The following XRN1 variants were observed in gnomAD, a reference collection of about 807,000 sequenced individuals.
The protein encoded by XRN1 is 5'-3' exoribonuclease 1, also known as strand-exchange protein 1 homolog.
XRN1 carries 67 observed loss-of-function variants against 222.3 expected under a neutral mutation model. That is an observed-to-expected ratio of 0.30 (90% confidence interval 0.25 to 0.37). The LOEUF is 0.37. Among genes scored for constraint, XRN1 ranks in the 10% least tolerant of loss-of-function variants. The pLI is 1.00. For missense variants in XRN1, 1,707 were observed against 2,000.2 expected, an observed-to-expected ratio of 0.85 and a Z score of 2.80; for synonymous variants, 643 against 652.4, an observed-to-expected ratio of 0.99 and a Z score of 0.22.
In XRN1 at chr3:142,359,868, G is replaced by C; in HGVS notation, c.3458C>G (p.Thr1153Arg). ...ATCATTGGGAAATACAAACCTTATT[G>C]TTAACCCTCCAGGAAATTCTTCATC... The part of the protein sequence containing the change: ...LFDEEFPGGL[T>R]IRCSPGRGYR... Residue 1153 changes from threonine (T) to arginine (R), a missense_variant, in exon 30 of 41, where the codon ACA becomes AGA. Thr to Arg is a moderately conservative substitution (Grantham distance 71). Transcript: ENST00000392981. 1 of 1,602,050 alleles carries C rather than the reference G, an allele frequency of 6.2e-7. No homozygotes were observed. The highest frequency in any genetic ancestry group is 8.5e-7 in the Non-Finnish European group (1 of 1,171,562).
chr3:142,406,692 C>T (rs906523841), intron 15 of XRN1, among the ~76,000 whole-genome samples: 16 of 150,936 alleles, frequency 1.1e-4, no homozygotes, highest in Non-Finnish European at 2.2e-4. Context: ...ACATCCAGTT[C>T]ATTTTTTTTT....
intron 16 of XRN1, 62 bp downstream of exon 16, chr3:142,404,845 C>T: frequency 6.5e-6 from 10 of 1,541,922 alleles, no homozygotes; most frequent in Non-Finnish European, 8.9e-6. Context: ...CCCTTCACCA[C>T]TTCTCGCACC....
intron 25 of XRN1, 76 bp downstream of exon 25, chr3:142,375,722 T>C (rs1331369458): frequency 1.4e-6 from 2 of 1,380,734 alleles, no homozygotes; most frequent in East Asian, 2.6e-5. Context: ...CCTCTAAAAC[T>C]AATATCAGGA....
intron 39 of XRN1, chr3:142,313,048 A>C: frequency 7.0e-7 from 1 of 1,431,398 alleles, no homozygotes; most frequent in Non-Finnish European, 9.5e-7. Context: ...ATTTGCAATT[A>C]TATTTATAAA....
At chr3:142,430,898 T>C (rs1183607396) in intron 2 of XRN1, among the ~76,000 whole-genome samples, 1 of 152,242 alleles carries the variant, frequency 6.6e-6, no homozygotes, top group Non-Finnish European at 1.5e-5. Flanking sequence ...CTCATCCTTT[T>C]ACTTCTCCTA....
intron 32 of XRN1, among the ~76,000 whole-genome samples, chr3:142,352,405 T>C (rs898046400): frequency 2.6e-5 from 4 of 152,252 alleles, no homozygotes; most frequent in Non-Finnish European, 5.9e-5. Flanking sequence ...TATAATAGCA[T>C]ATTGGCTGAG....
At position 142,329,620 on chromosome 3, in the gene XRN1, CA is replaced by C. The variant is rs1396077543; in HGVS notation, c.4223-6del. 3 of 1,526,118 alleles carry C rather than the reference CA, an allele frequency of 2.0e-6. No homozygotes were observed. Among genetic ancestry groups the C allele is most frequent in the Non-Finnish European group, 2.6e-6 (3 of 1,149,040 alleles). The allele number at this position is 1,526,118 out of a possible 1,614,324, so 94.5% of individuals were successfully genotyped here. On this transcript the variant is annotated splice_region_variant and splice_polypyrimidine_tract_variant and intron_variant, in intron 36 of 40. Transcript: ENST00000392981. The stretch of plus-strand genomic sequence containing the variant: ...GAGGCTTGTTCATATAAGATGCTAC[CA>C]AAAAAGAGAAAAGAGTCTATCTTTA...
intron 15 of XRN1, among the ~76,000 whole-genome samples, chr3:142,409,334 A>C (rs1188946551): frequency 1.3e-5 from 2 of 152,160 alleles, no homozygotes; most frequent in Non-Finnish European, 2.9e-5. Flanking sequence ...ACATATTTTG[A>C]ATTAAGTTTT....
intron 15 of XRN1, among the ~76,000 whole-genome samples, chr3:142,408,162 C>A (rs141556349): frequency 9.2e-5 from 14 of 152,342 alleles, no homozygotes; most frequent in Non-Finnish European, 1.9e-4. Flanking sequence ...TTGACACCAA[C>A]ACCCATAGGG....
intron 10 of XRN1, chr3:142,420,173 TAAC>T (rs952775707): frequency 2.8e-4 from 42 of 152,172 alleles, no homozygotes; most frequent in African/African-American, 9.9e-4. Flanking sequence ...TGTTTTAAAA[TAAC>T]AATTTTTTTT....
At chr3:142,361,689 A>T (rs2066635017) in intron 29 of XRN1, among the ~76,000 whole-genome samples, 1 of 152,160 alleles carries the variant, frequency 6.6e-6, no homozygotes. Context: ...CCTAACAACG[A>T]ATGATGTTGA....
intron 33 of XRN1, among the ~76,000 whole-genome samples, chr3:142,343,314 C>T (rs1326188195): frequency 2.0e-5 from 3 of 151,852 alleles, no homozygotes; most frequent in Non-Finnish European, 2.9e-5. Context: ...ACTAGCCAGG[C>T]GTGGTGGCAC....
intron 2 of XRN1, among the ~76,000 whole-genome samples, chr3:142,429,292 G>A (rs766601968): frequency 1.3e-5 from 2 of 151,320 alleles, no homozygotes; most frequent in Non-Finnish European, 1.5e-5. Context: ...GATTACAGGC[G>A]ACCACCACCA....
rs773429877 is a variant in XRN1, at chr3:142,375,833, A to C, written c.2943T>G (p.Ser981=). The C allele has an allele frequency of 9.9e-6, 16 of 1,613,850 alleles. No homozygotes were observed. The highest frequency in any genetic ancestry group is 8.5e-6 in the Non-Finnish European group (10 of 1,179,930). Residue 981 remains serine, a synonymous_variant, in exon 25 of 41, where the codon TCT becomes TCG. Coordinates refer to ENST00000392981, the MANE Select transcript of XRN1 (RefSeq NM_001282857.2). The part of the protein sequence containing the change: ...KKVGSEWMYS[S]AAEQLLAEYL... The stretch of plus-strand genomic sequence containing the variant: ...ACTCTGCCAGAAGTTGTTCTGCTGC[A>C]GATGAATACATCCATTCACTTCCAA...
intron 8 of XRN1, among the ~76,000 whole-genome samples, chr3:142,421,782 C>G (rs1005870776): frequency 6.6e-6 from 1 of 152,106 alleles, no homozygotes; most frequent in Non-Finnish European, 1.5e-5. Flanking sequence ...AATAATCCAA[C>G]ATTTGGTAAC....
chr3:142,402,244 G>A lies in XRN1; in HGVS notation c.2103+1430C>T, dbSNP rs901337052. 5.9e-5 allele frequency among the ~76,000 whole-genome samples: 9 copies of A among 151,814 alleles called. No individual in the cohort carries two copies. In the East Asian group the frequency reaches 1.2e-3, roughly 20 times the overall value. On this transcript the variant is annotated intron_variant, in intron 18 of 40. Coordinates refer to ENST00000392981, the MANE Select transcript of XRN1 (RefSeq NM_001282857.2). ...GTCACCCAGGCTGGAGTGCAGTGGC[G>A]CGATTTTGGCTCACTGCCACGTCCA...
intron 33 of XRN1, among the ~76,000 whole-genome samples, chr3:142,336,538 A>C (rs2065857373): frequency 6.6e-6 from 1 of 151,116 alleles, no homozygotes; most frequent in Non-Finnish European, 1.5e-5. Context: ...AGGGCATGGG[A>C]GGAGGGAATG....
intron 39 of XRN1, among the ~76,000 whole-genome samples, chr3:142,313,969 C>T (rs145143077): frequency 2.2e-4 from 34 of 152,242 alleles, no homozygotes; most frequent in Admixed American, 1.2e-3. Context: ...AAACTATCTA[C>T]GAGCAACTTT....
intron 19 of XRN1, among the ~76,000 whole-genome samples, chr3:142,399,455 C>G (rs1354073689): frequency 6.6e-6 from 1 of 151,966 alleles, no homozygotes; most frequent in African/African-American, 2.4e-5. Context: ...AAATGGATTA[C>G]TGATTTCATA....
Sources: gnomAD v4.1 joint callset for allele counts (sites outside exome capture counted in the v4.1 genomes callset) on GRCh38, gnomAD v4.1.1 for gene constraint, MANE v1.5 for transcripts, NCBI Gene and HGNC (gene_info 2026-07-23, HGNC 2026-07-21) for gene names.